Variants in DDRGK1 observed in about 807,000 individuals in gnomAD.
DDRGK1 encodes the protein DDRGK domain-containing protein 1.
A neutral mutation model predicts 45.8 loss-of-function variants in DDRGK1; 38 were observed. The ratio of observed to expected loss-of-function variants is 0.83; its 90% CI spans 0.64 to 1.09. DDRGK1 has a LOEUF of 1.09. Ranked by LOEUF, DDRGK1 falls within the 50% of genes least tolerant of loss-of-function variation. The pLI is 0.00. For synonymous variants in DDRGK1, 171 were observed against 168.7 expected, an observed-to-expected ratio of 1.01 and a Z score of -0.11; for missense variants, 403 against 419.9, an observed-to-expected ratio of 0.96 and a Z score of 0.35.
At chr20:3,204,471 G>C (rs919810163) in intron 1 of DDRGK1, 66 bp downstream of exon 1, 1 of 1,484,246 alleles carries the variant, frequency 6.7e-7, no homozygotes, top group South Asian at 1.2e-5. Context: ...CGGCGCGACG[G>C]TCCACAAAGG....
Position 3,204,006 on chromosome 20 carries a change from CCTT to C in DDRGK1, c.91+528_91+530del, listed in dbSNP as rs73613615. Among the ~76,000 whole-genome samples, 47 of 152,270 alleles carry C rather than the reference CCTT, an allele frequency of 3.1e-4. 1 individual carries two copies. In the East Asian group the frequency reaches 7.9e-3, roughly 26 times the overall value. ...TTCTGTGCCCTGGCCAATGACATGG[CCTT>C]CTGATCGGGGAGCGGATTGGGGAGG... On this transcript the variant is annotated intron_variant, in intron 1 of 8. Transcript: ENST00000354488.
chr20:3,191,627 A>T, intron 7 of DDRGK1, 138 bp downstream of exon 7: 1 of 1,002,652 alleles, frequency 1.0e-6, no homozygotes, highest in Non-Finnish European at 1.5e-6. Flanking sequence ...GGGTGCCAGG[A>T]GACTTCTGTG....
At chr20:3,201,413 C>T (rs1417770404) in intron 2 of DDRGK1, among the ~76,000 whole-genome samples, 4 of 134,956 alleles carry the variant, frequency 3.0e-5, no homozygotes, top group East Asian at 2.4e-4. Context: ...GATCTGCTGC[C>T]AAGTGGTGTG....
chr20:3,197,714 G>A (rs2067017729), intron 4 of DDRGK1, among the ~76,000 whole-genome samples: 1 of 151,942 alleles, frequency 6.6e-6, no homozygotes, highest in Non-Finnish European at 1.5e-5. Flanking sequence ...TGGATCACCT[G>A]AAGTCAAGAG....
At chr20:3,199,579 C>A (rs1356741878) in intron 4 of DDRGK1, among the ~76,000 whole-genome samples, 1 of 152,202 alleles carries the variant, frequency 6.6e-6, no homozygotes, top group Non-Finnish European at 1.5e-5. Context: ...TCATTAGTCA[C>A]TACTGCAGTG....
At chr20:3,200,893 G>A (rs1005958785) in intron 2 of DDRGK1, among the ~76,000 whole-genome samples, 1 of 152,118 alleles carries the variant, frequency 6.6e-6, no homozygotes, top group Non-Finnish European at 1.5e-5. Context: ...GGCGGATCAC[G>A]AGGTTAGGAG....
intron 4 of DDRGK1, among the ~76,000 whole-genome samples, chr20:3,199,726 G>C (rs1321874427): frequency 6.6e-6 from 1 of 152,074 alleles, no homozygotes; most frequent in Non-Finnish European, 1.5e-5. Context: ...TCCTCTCCTG[G>C]CTTTCTCTGC....
chr20:3,198,715 A>AAC (rs2067022966), intron 4 of DDRGK1, among the ~76,000 whole-genome samples: 3 of 139,512 alleles, frequency 2.2e-5, no homozygotes, highest in Non-Finnish European at 3.1e-5. Context: ...AAAAAAAAAA[A>AAC]AAAACAAAAC....
chr20:3,200,489 G>A, intron 2 of DDRGK1, 35 bp from the exon 3 acceptor site: 1 of 1,535,068 alleles, frequency 6.5e-7, no homozygotes. Context: ...TTCAGGTTCT[G>A]ACCAGAGAGG....
intron 2 of DDRGK1, 73 bp downstream of exon 2, chr20:3,203,140 A>C: frequency 1.5e-6 from 2 of 1,367,984 alleles, no homozygotes; most frequent in Non-Finnish European, 1.9e-6. Flanking sequence ...CTACTCCCCC[A>C]CTTAGCTTTG....
At chr20:3,203,962 G>A (rs936723364) in intron 1 of DDRGK1, among the ~76,000 whole-genome samples, 2 of 152,208 alleles carry the variant, frequency 1.3e-5, no homozygotes, top group Non-Finnish European at 2.9e-5. Context: ...GGGGGAAAGA[G>A]GGAGGATGGG....
At chr20:3,201,357 G>A (rs909143484) in intron 2 of DDRGK1, among the ~76,000 whole-genome samples, 6 of 150,150 alleles carry the variant, frequency 4.0e-5, no homozygotes, top group South Asian at 4.2e-4. Context: ...TACTAGGGAC[G>A]CTGAAGCAGG....
At chr20:3,192,003 A>ACG (rs2066991714) in intron 6 of DDRGK1, among the ~76,000 whole-genome samples, 182 bp from the exon 7 acceptor site, 1 of 147,290 alleles carries the variant, frequency 6.8e-6, no homozygotes, top group Admixed American at 6.7e-5. Context: ...ACACACACTC[A>ACG]CTATCACCCA....
At chr20:3,200,546 G>A in intron 2 of DDRGK1, 92 bp from the exon 3 acceptor site, 4 of 1,186,430 alleles carry the variant, frequency 3.4e-6, no homozygotes, top group Middle Eastern at 1.9e-4. Flanking sequence ...CCTAACAGGG[G>A]GATCCCCTTC....
chr20:3,195,458 T>G, intron 4 of DDRGK1, 105 bp from the exon 5 acceptor site: 1 of 1,449,662 alleles, frequency 6.9e-7, no homozygotes, highest in African/African-American at 1.4e-5. Context: ...TAGCCCAGCC[T>G]TTTCTCAGAG....
At chr20:3,193,522 C>T (rs1016397861) in intron 6 of DDRGK1, among the ~76,000 whole-genome samples, 1 of 152,142 alleles carries the variant, frequency 6.6e-6, no homozygotes, top group African/African-American at 2.4e-5. Flanking sequence ...AGGTGTGCAC[C>T]ACCATGCCTG....
In DDRGK1 at chr20:3,190,875, C is replaced by T. The variant is rs995195689; in HGVS notation, c.779-56G>A. 3.2e-6 allele frequency: 5 copies of T among 1,548,016 alleles called. No homozygotes were observed. The Admixed American group carries it at 7.8e-5, about 24-fold the overall frequency. ...GCCTCCTGGGCGTTCCCCATCTGGC[C>T]TGAGAATGCCCACCTACTCCTTCAC... On this transcript the variant is annotated intron_variant, in intron 8 of 8. Coordinates refer to ENST00000354488, the MANE Select transcript of DDRGK1 (RefSeq NM_023935.3).
At chr20:3,202,477 T>C (rs765816527) in intron 2 of DDRGK1, among the ~76,000 whole-genome samples, 33 of 152,256 alleles carry the variant, frequency 2.2e-4, no homozygotes, top group Admixed American at 6.5e-4. Context: ...GATTATCCCT[T>C]TGCCCATCAA....
chr20:3,204,179 G>A (rs1305893922), intron 1 of DDRGK1, among the ~76,000 whole-genome samples: 1 of 152,192 alleles, frequency 6.6e-6, no homozygotes, highest in African/African-American at 2.4e-5. Context: ...AGGCTGGGAG[G>A]AATGGAAAAC....
Sources: gnomAD v4.1 joint callset for allele counts (sites outside exome capture counted in the v4.1 genomes callset) on GRCh38, gnomAD v4.1.1 for gene constraint, MANE v1.5 for transcripts, NCBI Gene and HGNC (gene_info 2026-07-23, HGNC 2026-07-21) for gene names.